ROBO2: variants seen among roughly 807,000 people sequenced by gnomAD.
ROBO2 encodes the protein roundabout homolog 2.
ROBO2 carries 53 observed loss-of-function variants against 160.8 expected under a neutral mutation model. The observed-to-expected ratio is 0.33, with a 90% CI of 0.26 to 0.41. The LOEUF is 0.41. ROBO2 is among the 10% of genes least tolerant of loss of function. The probability of loss-of-function intolerance (pLI) is 1.00; values close to 1 mark genes in which losing one functional copy is unlikely to be tolerated. For synonymous variants in ROBO2, 664 were observed against 611.7 expected, an observed-to-expected ratio of 1.09 and a Z score of -1.26; for missense variants, 1,577 against 1,722.4, an observed-to-expected ratio of 0.92 and a Z score of 1.49.
chr3:77,596,901 T>G (rs2094318341), intron 19 of ROBO2, 151 bp downstream of exon 20: 2 of 970,076 alleles, frequency 2.1e-6, no homozygotes, highest in Admixed American at 5.3e-5. Flanking sequence ...GTGTTGTACA[T>G]TTGCTAAATA....
chr3:76,155,119 T>A (rs2072355758), intron 2 of ROBO2, among the ~76,000 whole-genome samples: 1 of 152,192 alleles, frequency 6.6e-6, no homozygotes, highest in African/African-American at 2.4e-5. Flanking sequence ...TGTAAAAAGA[T>A]CACAGGTAAT....
Position 76,663,933 on chromosome 3 carries a change from C to T in ROBO2, c.110-434081C>T, listed in dbSNP as rs996633703. Among the ~76,000 whole-genome samples the T allele has an allele frequency of 2.0e-5, 3 of 151,670 alleles. No individual in the cohort carries two copies. The East Asian group carries it at 5.8e-4, about 29-fold the overall frequency. ...AAAAAAAAAAAGAAAAGGCATTTAG[C>T]TGAGACAGGCCTAGAACTGACAATT... On this transcript the variant is annotated intron_variant, in intron 2 of 26. Coordinates refer to the ROBO2 transcript ENST00000487694.
At chr3:77,515,380 A>T (rs1278138403) in intron 5 of ROBO2, among the ~76,000 whole-genome samples, 2 of 151,734 alleles carry the variant, frequency 1.3e-5, no homozygotes, top group Non-Finnish European at 2.9e-5. Context: ...GGAGTAAGAC[A>T]TCTTGATTTG....
intron 22 of ROBO2, chr3:77,618,127 T>A: frequency 6.4e-6 from 2 of 313,188 alleles, no homozygotes; most frequent in South Asian, 6.1e-5. Context: ...AATTAGCTTA[T>A]CATTGAACTC....
chr3:77,381,535 T>G (rs2073466712), intron 2 of ROBO2, among the ~76,000 whole-genome samples: 1 of 152,176 alleles, frequency 6.6e-6, no homozygotes, highest in Admixed American at 6.5e-5. Context: ...CTTCTAAACT[T>G]TCAGCATCCC....
chr3:76,403,800 G>A (rs1373600568), intron 2 of ROBO2, among the ~76,000 whole-genome samples: 1 of 151,560 alleles, frequency 6.6e-6, no homozygotes, highest in Non-Finnish European at 1.5e-5. Flanking sequence ...GCTTATTTTA[G>A]GTATTAAGTA....
At chr3:76,972,663 C>A (rs2059628672) in intron 2 of ROBO2, among the ~76,000 whole-genome samples, 1 of 151,910 alleles carries the variant, frequency 6.6e-6, no homozygotes, top group Admixed American at 6.6e-5. Context: ...TTGAGACAAG[C>A]CTGAGCAACA....
intron 2 of ROBO2, among the ~76,000 whole-genome samples, chr3:76,396,184 A>G (rs1304905524): frequency 6.6e-6 from 1 of 152,160 alleles, no homozygotes; most frequent in Non-Finnish European, 1.5e-5. Flanking sequence ...AAATCAATAA[A>G]TGTAATCCAG....
chr3:76,877,798 G>A (rs1482088166), intron 2 of ROBO2, among the ~76,000 whole-genome samples: 1 of 152,130 alleles, frequency 6.6e-6, no homozygotes, highest in African/African-American at 2.4e-5. Context: ...TTGTGATTAG[G>A]GCTCTCTGGC....
At chr3:76,473,585 T>C (rs2078780699) in intron 2 of ROBO2, among the ~76,000 whole-genome samples, 1 of 152,170 alleles carries the variant, frequency 6.6e-6, no homozygotes, top group Admixed American at 6.6e-5. Context: ...AAAAAATATA[T>C]TCACGTAAAA....
intron 2 of ROBO2, among the ~76,000 whole-genome samples, chr3:76,097,663 A>C (rs1030898861): frequency 6.6e-6 from 1 of 152,182 alleles, no homozygotes; most frequent in African/African-American, 2.4e-5. Flanking sequence ...TCTCACTGAG[A>C]TGGGGACATT....
At chr3:77,625,343 T>C (rs2094989090) in intron 23 of ROBO2, among the ~76,000 whole-genome samples, 2 of 152,038 alleles carry the variant, frequency 1.3e-5, no homozygotes, top group Middle Eastern at 3.4e-3. Flanking sequence ...AGGTAACACA[T>C]ATACAACCTT....
rs138567544 is a variant in ROBO2 at position 77,497,534 on chromosome 3, A to G, written c.806+4152A>G. Among the ~76,000 whole-genome samples the G allele has an allele frequency of 7.3e-3, 1,117 of 152,196 alleles. 15 individuals carry two copies. Among genetic ancestry groups the G allele is most frequent in the African/African-American group, 0.024 (978 of 41,546 alleles). On this transcript the variant is annotated intron_variant, in intron 5 of 25. Coordinates refer to ENST00000461745, the Ensembl canonical transcript of ROBO2. Reference sequence around the variant, plus strand: ...ATCAGTTCTTTAGTTTTTGTTTTATATTAGTGAGATTGGGTGACGTGGGAA... The same window carrying G: ...ATCAGTTCTTTAGTTTTTGTTTTATGTTAGTGAGATTGGGTGACGTGGGAA...
chr3:76,873,568 G>C (rs1342575761), intron 2 of ROBO2, among the ~76,000 whole-genome samples: 3 of 152,144 alleles, frequency 2.0e-5, no homozygotes, highest in Non-Finnish European at 4.4e-5. Flanking sequence ...AGTAGTAGTA[G>C]TAGTAGTCGT....
At chr3:77,558,481 CT>C (rs1429066796) in intron 9 of ROBO2, among the ~76,000 whole-genome samples, 2 of 152,004 alleles carry the variant, frequency 1.3e-5, no homozygotes, top group African/African-American at 2.4e-5. Context: ...ACAAATGCTT[CT>C]GATTTACTTT....
intron 2 of ROBO2, among the ~76,000 whole-genome samples, chr3:77,363,251 A>G (rs1398058126): frequency 1.3e-5 from 2 of 152,202 alleles, no homozygotes; most frequent in Non-Finnish European, 2.9e-5. Flanking sequence ...AAAGACTAGT[A>G]AGATTTGCAT....
At chr3:76,478,722 G>T (rs1162334294) in intron 2 of ROBO2, among the ~76,000 whole-genome samples, 1 of 136,770 alleles carries the variant, frequency 7.3e-6, no homozygotes, top group East Asian at 2.1e-4. Context: ...CACTCTCTCA[G>T]CTCGGCTAGA....
chr3:77,203,134 A>G (rs1029155403), intron 2 of ROBO2, among the ~76,000 whole-genome samples: 1 of 152,232 alleles, frequency 6.6e-6, no homozygotes, highest in Admixed American at 6.5e-5. Flanking sequence ...CAATAAAACA[A>G]GTAATTTATT....
chr3:76,931,550 G>C (rs1273262490), intron 2 of ROBO2, among the ~76,000 whole-genome samples: 2 of 150,608 alleles, frequency 1.3e-5, no homozygotes, highest in Admixed American at 6.6e-5. Context: ...TGCTTTATAA[G>C]ACACATACAC....
Sources: allele counts gnomAD v4.1 joint callset (sites outside exome capture counted in the v4.1 genomes callset), GRCh38; gene constraint gnomAD v4.1.1; transcripts MANE v1.5; gene names NCBI Gene and HGNC (gene_info 2026-07-23, HGNC 2026-07-21).